ZBTB7C: variants seen among roughly 807,000 people sequenced by gnomAD.
ZBTB7C encodes zinc finger and BTB domain-containing protein 7C.
ZBTB7C carries 8 observed loss-of-function variants against 25.7 expected under a neutral mutation model. The ratio of observed to expected loss-of-function variants is 0.31; its 90% confidence interval spans 0.18 to 0.56. The LOEUF (loss-of-function observed/expected upper bound fraction) is 0.56. Ranked by LOEUF, ZBTB7C falls within the 20% of genes least tolerant of loss-of-function variation. ZBTB7C has a pLI of 0.91. For synonymous variants in ZBTB7C, 394 were observed against 369.0 expected (o/e 1.07, Z -0.78); for missense variants, 824 against 855.2 (o/e 0.96, Z 0.46).
At chr18:48,215,435 A>G (rs2042800441) in intron 2 of ZBTB7C, among the ~76,000 whole-genome samples, 1 of 152,244 alleles carries the variant, frequency 6.6e-6, no homozygotes, top group Non-Finnish European at 1.5e-5. Flanking sequence ...GTCATAAGAC[A>G]TCAATCAATA....
chr18:48,141,007 C>G (rs2040325878), intron 3 of ZBTB7C, among the ~76,000 whole-genome samples: 1 of 152,212 alleles, frequency 6.6e-6, no homozygotes, highest in Non-Finnish European at 1.5e-5. Flanking sequence ...CCAAAGCAAT[C>G]CACTTAAAAC....
chr18:48,119,925 T>C (rs918818138), intron 3 of ZBTB7C, among the ~76,000 whole-genome samples: 1 of 152,148 alleles, frequency 6.6e-6, no homozygotes, highest in African/African-American at 2.4e-5. Context: ...AGTGTGTTGG[T>C]TGGCATGAGG....
intron 3 of ZBTB7C, among the ~76,000 whole-genome samples, chr18:48,184,526 T>C (rs1190324837): frequency 3.3e-5 from 5 of 152,114 alleles, no homozygotes. Flanking sequence ...GTGCTGCAAA[T>C]TGCTCATCCA....
chr18:48,304,172 G>A (rs898841560), intron 2 of ZBTB7C, among the ~76,000 whole-genome samples: 26 of 152,188 alleles, frequency 1.7e-4, no homozygotes, highest in Admixed American at 4.6e-4. Context: ...CAGAGCATAA[G>A]CCCAGCTGCC....
At chr18:48,243,828 C>G (rs2043599523) in intron 2 of ZBTB7C, among the ~76,000 whole-genome samples, 1 of 152,154 alleles carries the variant, frequency 6.6e-6, no homozygotes, top group South Asian at 2.1e-4. Context: ...AAAATAGGCA[C>G]TTAGACCAAT....
Position 48,216,415 on chromosome 18 carries a change from T to C in ZBTB7C, c.-78-30420A>G, listed in dbSNP as rs560530522. On this transcript the variant is annotated intron_variant, in intron 2 of 4. Transcript: ENST00000590800. Reference sequence around the variant, plus strand: ...AGTGCTGCAGACACATTGGAAGCAGTTGCATAACCTTGCAGAATCACGAGG... The same window carrying C: ...AGTGCTGCAGACACATTGGAAGCAGCTGCATAACCTTGCAGAATCACGAGG... Among the ~76,000 whole-genome samples, 7 of 152,194 alleles carry C rather than the reference T, an allele frequency of 4.6e-5. No homozygotes were observed. The South Asian group carries it at 1.2e-3, about 27-fold the overall frequency.
rs1280595450 is a variant in ZBTB7C, at chr18:48,029,226, G to A, written c.*34C>T. ...AGTGGGCCTGGAGGGAGAAGGACTG[G>A]AGGGCTGGTGGGCTGGAGCCGACAG... is the stretch of plus-strand genomic sequence containing the variant. On this transcript the variant is annotated 3_prime_UTR_variant, in exon 5 of 5. Transcript: ENST00000590800. The A allele has an allele frequency of 4.0e-6, 6 of 1,518,700 alleles. No homozygotes were observed. Among genetic ancestry groups the A allele is most frequent in the Non-Finnish European group, 5.2e-6 (6 of 1,143,096 alleles). 94.1% of individuals were successfully genotyped at this position (1,518,700 alleles called of 1,614,324 possible).
At chr18:48,083,052 C>A (rs2038050587) in intron 3 of ZBTB7C, among the ~76,000 whole-genome samples, 1 of 152,124 alleles carries the variant, frequency 6.6e-6, no homozygotes, top group Admixed American at 6.5e-5. Context: ...CAACTATAAC[C>A]CGCTATGACA....
intron 3 of ZBTB7C, among the ~76,000 whole-genome samples, chr18:48,082,120 T>TGGG (rs1306140354): frequency 6.6e-6 from 1 of 152,146 alleles, no homozygotes; most frequent in Non-Finnish European, 1.5e-5. Context: ...TTTGGGGACT[T>TGGG]GGGGGTGTTC....
chr18:48,387,340 A>G (rs2047772714), intron 1 of ZBTB7C, among the ~76,000 whole-genome samples: 1 of 152,214 alleles, frequency 6.6e-6, no homozygotes, highest in Non-Finnish European at 1.5e-5. Flanking sequence ...GGAGGAGACC[A>G]GTAAGGAATG....
intron 3 of ZBTB7C, chr18:48,137,194 C>T (rs967309054): frequency 2.0e-6 from 2 of 985,548 alleles, no homozygotes; most frequent in Non-Finnish European, 2.4e-6. Flanking sequence ...ACTCCCTCCC[C>T]ACCCTCCAAC....
At chr18:48,234,917 T>G (rs564941053) in intron 2 of ZBTB7C, among the ~76,000 whole-genome samples, 81 of 152,332 alleles carry the variant, frequency 5.3e-4, no homozygotes, top group African/African-American at 1.8e-3. Context: ...AATTGAAAAT[T>G]TATTATTATG....
At chr18:48,269,905 G>A (rs1460830415) in intron 2 of ZBTB7C, among the ~76,000 whole-genome samples, 1 of 152,144 alleles carries the variant, frequency 6.6e-6, no homozygotes. Flanking sequence ...AAATAACCTA[G>A]TAAATGACAA....
intron 3 of ZBTB7C, among the ~76,000 whole-genome samples, chr18:48,124,854 CCCTCTCTCCA>C (rs1294620243): frequency 6.6e-6 from 1 of 152,168 alleles, no homozygotes; most frequent in Non-Finnish European, 1.5e-5. Context: ...TGCAGTTTTC[CCCTCTCTCCA>C]CCTCTCTGCT....
chr18:48,358,991 CCT>C (rs1384899457), intron 1 of ZBTB7C, among the ~76,000 whole-genome samples: 16 of 152,170 alleles, frequency 1.1e-4, no homozygotes, highest in Non-Finnish European at 1.8e-4. Context: ...TGCAGTAGCC[CCT>C]GTCTCCAATG....
At chr18:48,052,102 C>T (rs1370007941) in intron 3 of ZBTB7C, among the ~76,000 whole-genome samples, 2 of 152,168 alleles carry the variant, frequency 1.3e-5, no homozygotes, top group Non-Finnish European at 2.9e-5. Context: ...ATAAATCACT[C>T]GTCTCCCATA....
intron 4 of ZBTB7C, among the ~76,000 whole-genome samples, chr18:48,038,949 G>C (rs4359513): frequency 0.55 from 83,604 of 152,032 alleles, 23,978 homozygotes; most frequent in African/African-American, 0.7. Context: ...CCAGGAACCA[G>C]AGATAGCACC....
At chr18:48,275,925 G>A (rs1281873630) in intron 2 of ZBTB7C, among the ~76,000 whole-genome samples, 1 of 152,142 alleles carries the variant, frequency 6.6e-6, no homozygotes, top group Non-Finnish European at 1.5e-5. Context: ...CTCCCCAAAG[G>A]CAAATTTGAT....
chr18:48,241,894 T>C (rs1054981386), intron 2 of ZBTB7C, among the ~76,000 whole-genome samples: 3 of 151,526 alleles, frequency 2.0e-5, no homozygotes, highest in Non-Finnish European at 4.4e-5. Context: ...ATACAAAAGA[T>C]AAATGAAACT....
Sources: allele counts gnomAD v4.1 joint callset (sites outside exome capture counted in the v4.1 genomes callset), GRCh38; gene constraint gnomAD v4.1.1; transcripts MANE v1.5; gene names NCBI Gene and HGNC (gene_info 2026-07-23, HGNC 2026-07-21).